Variants in KCNIP4 observed in about 807,000 individuals in gnomAD.
KCNIP4 encodes potassium voltage-gated channel interacting protein 4, also known as Kv channel-interacting protein 4.
Under a neutral mutation model 34.0 loss-of-function variants are expected in KCNIP4, and 12 were observed. The observed-to-expected ratio is 0.35, with a 90% CI of 0.23 to 0.57. KCNIP4 has a LOEUF of 0.57. Among genes scored for constraint, KCNIP4 ranks in the 20% least tolerant of loss-of-function variants. The pLI is 0.83. For synonymous variants in KCNIP4, 124 were observed against 102.2 expected, an observed-to-expected ratio of 1.21 and a Z score of -1.29; for missense variants, 238 against 311.7, an observed-to-expected ratio of 0.76 and a Z score of 1.78.
At chr4:21,023,724 A>T (rs1740276674) in intron 1 of KCNIP4, among the ~76,000 whole-genome samples, 1 of 152,060 alleles carries the variant, frequency 6.6e-6, no homozygotes, top group Non-Finnish European at 1.5e-5. Context: ...CTACAAAAAA[A>T]TTAAAAAGTT....
intron 3 of KCNIP4, among the ~76,000 whole-genome samples, chr4:20,759,860 T>A (rs770417461): frequency 6.6e-6 from 1 of 152,094 alleles, no homozygotes; most frequent in Non-Finnish European, 1.5e-5. Flanking sequence ...ATGTGAGATA[T>A]TAACTGTATG....
chr4:20,739,123 G>GGCCT (rs1229960152), intron 5 of KCNIP4, among the ~76,000 whole-genome samples: 2 of 152,178 alleles, frequency 1.3e-5, no homozygotes, highest in African/African-American at 2.4e-5. Flanking sequence ...AGCTCAAGGA[G>GGCCT]GCCTGCCTGC....
chr4:21,749,651 G>T (rs1171881248), intron 1 of KCNIP4, among the ~76,000 whole-genome samples: 4 of 152,216 alleles, frequency 2.6e-5, no homozygotes, highest in African/African-American at 9.6e-5. Flanking sequence ...TCTTGGACCT[G>T]TGCTTACCCT....
intron 1 of KCNIP4, among the ~76,000 whole-genome samples, chr4:21,316,696 G>C (rs1048127316): frequency 6.6e-6 from 1 of 152,214 alleles, no homozygotes; most frequent in Non-Finnish European, 1.5e-5. Context: ...AAAATAGCTA[G>C]CTAGTTGAAC....
intron 1 of KCNIP4, among the ~76,000 whole-genome samples, chr4:21,082,154 T>C (rs1746060688): frequency 6.6e-6 from 1 of 151,842 alleles, no homozygotes; most frequent in South Asian, 2.1e-4. Flanking sequence ...TTCTCTTTTG[T>C]TGTGTTAGAA....
intron 3 of KCNIP4, among the ~76,000 whole-genome samples, chr4:20,763,988 AT>A (rs765434247): frequency 3.0e-4 from 46 of 152,226 alleles, no homozygotes; most frequent in Non-Finnish European, 4.9e-4. Flanking sequence ...TTGAGCATGA[AT>A]TTTTTCATTA....
intron 1 of KCNIP4, among the ~76,000 whole-genome samples, chr4:21,461,698 C>T (rs754724093): frequency 3.9e-5 from 6 of 151,900 alleles, no homozygotes; most frequent in Non-Finnish European, 4.4e-5. Flanking sequence ...CTAAGCCCTA[C>T]GTGTGTCCGG....
At chr4:21,250,026 G>T (rs987085156) in intron 1 of KCNIP4, among the ~76,000 whole-genome samples, 1 of 151,892 alleles carries the variant, frequency 6.6e-6, no homozygotes, top group Non-Finnish European at 1.5e-5. Context: ...ATCCATTCAG[G>T]CTTTGAAAAG....
At chr4:20,938,884 CT>C (rs778817889) in intron 1 of KCNIP4, among the ~76,000 whole-genome samples, 3 of 152,196 alleles carry the variant, frequency 2.0e-5, no homozygotes, top group Non-Finnish European at 2.9e-5. Context: ...TTATCCTGAA[CT>C]TCACATAGAA....
chr4:21,222,698 A>T (rs920744497), intron 1 of KCNIP4, among the ~76,000 whole-genome samples: 7 of 152,248 alleles, frequency 4.6e-5, no homozygotes, highest in African/African-American at 1.7e-4. Context: ...TTCAATTTGT[A>T]ATTTTATCCC....
intron 1 of KCNIP4, among the ~76,000 whole-genome samples, chr4:21,800,708 C>T (rs952815600): frequency 3.9e-5 from 6 of 152,106 alleles, no homozygotes; most frequent in Admixed American, 3.3e-4. Flanking sequence ...ACAGGACCTA[C>T]AGGAATTGAA....
chr4:21,368,218 CTAGAATT>C (rs1415681165), intron 1 of KCNIP4, among the ~76,000 whole-genome samples: 1 of 134,734 alleles, frequency 7.4e-6, no homozygotes, highest in East Asian at 2.2e-4. Flanking sequence ...ATTAGAATGA[CTAGAATT>C]TAAGAAGCTG....
intron 1 of KCNIP4, among the ~76,000 whole-genome samples, chr4:21,501,893 CT>C (rs1733386248): frequency 6.6e-6 from 1 of 151,734 alleles, no homozygotes; most frequent in African/African-American, 2.4e-5. Flanking sequence ...AATTCTCTCT[CT>C]CTCTATCTCT....
chr4:21,475,381 C>T (rs1312711124), intron 1 of KCNIP4, among the ~76,000 whole-genome samples: 1 of 152,134 alleles, frequency 6.6e-6, no homozygotes, highest in Non-Finnish European at 1.5e-5. Flanking sequence ...GCCCAGACCA[C>T]CGTACCACAG....
intron 1 of KCNIP4, among the ~76,000 whole-genome samples, chr4:21,104,720 G>A (rs544796981): frequency 6.6e-5 from 10 of 151,668 alleles, no homozygotes; most frequent in African/African-American, 2.4e-4. Flanking sequence ...GGGTTTTTAT[G>A]GTTTTAGCTC....
At position 21,879,348 on chromosome 4, in the gene KCNIP4, T is replaced by A. The variant is rs982422348; in HGVS notation, c.61+69223A>T. On this transcript the variant is annotated intron_variant, in intron 1 of 8. Transcript: ENST00000382152. The stretch of plus-strand genomic sequence containing the variant: ...TGAACTGGAAATGTTTTGGCAGTGC[T>A]ACTCACCCCTATCCCTCAGCATCCT... Among the ~76,000 whole-genome samples the A allele has an allele frequency of 4.6e-5, 7 of 152,298 alleles. No individual in the cohort carries two copies. The East Asian group carries it at 1.4e-3, about 30-fold the overall frequency.
chr4:21,065,964 A>G (rs1193296392), intron 1 of KCNIP4, among the ~76,000 whole-genome samples: 1 of 151,910 alleles, frequency 6.6e-6, no homozygotes, highest in African/African-American at 2.4e-5. Flanking sequence ...TCACTTGTAA[A>G]ATATCTTTTA....
At chr4:21,596,058 C>T (rs1313066762) in intron 1 of KCNIP4, among the ~76,000 whole-genome samples, 2 of 152,032 alleles carry the variant, frequency 1.3e-5, no homozygotes, top group African/African-American at 2.4e-5. Context: ...TTGTCCTTAG[C>T]GCAACCAACG....
intron 1 of KCNIP4, among the ~76,000 whole-genome samples, chr4:21,055,786 G>A (rs998527396): frequency 6.6e-6 from 1 of 152,194 alleles, no homozygotes; most frequent in African/African-American, 2.4e-5. Context: ...AGGGTTGGCA[G>A]AAAGGGATAA....
Sources: gnomAD v4.1 joint callset for allele counts (sites outside exome capture counted in the v4.1 genomes callset) on GRCh38, gnomAD v4.1.1 for gene constraint, MANE v1.5 for transcripts, NCBI Gene and HGNC (gene_info 2026-07-23, HGNC 2026-07-21) for gene names.